TGM4: variants seen among roughly 807,000 people sequenced by gnomAD.
TGM4 encodes the protein protein-glutamine gamma-glutamyltransferase 4.
A neutral mutation model predicts 76.3 loss-of-function variants in TGM4; 61 were observed. The observed-to-expected ratio is 0.80, with a 90% CI of 0.65 to 0.99. TGM4 has a LOEUF of 0.99. Ranked by LOEUF, TGM4 falls within the 50% of genes least tolerant of loss-of-function variation. The pLI is 0.00. For missense variants in TGM4, 794 were observed against 843.2 expected (o/e 0.94, Z 0.72); for synonymous variants, 337 against 329.8 (o/e 1.02, Z -0.24).
intron 10 of TGM4, among the ~76,000 whole-genome samples, chr3:44,907,862 G>A (rs906741399): frequency 9.2e-5 from 14 of 152,140 alleles, no homozygotes; most frequent in South Asian, 4.1e-4. Context: ...CCTGTACCAC[G>A]TGGTAAGGAA....
intron 11 of TGM4, among the ~76,000 whole-genome samples, 198 bp downstream of exon 11, chr3:44,910,566 T>C (rs925518956): frequency 3.3e-5 from 5 of 152,186 alleles, no homozygotes; most frequent in Admixed American, 2.0e-4. Context: ...AAGAGACCAC[T>C]GGACTAGGAG....
chr3:44,896,137 G>A (rs138547168), intron 5 of TGM4, among the ~76,000 whole-genome samples: 1,703 of 152,054 alleles, frequency 0.011, 22 homozygotes, highest in Non-Finnish European at 0.018. Flanking sequence ...TTGAGACAGA[G>A]TTTTGCTCTT....
intron 1 of TGM4, among the ~76,000 whole-genome samples, chr3:44,884,581 C>T (rs1303052262): frequency 4.6e-5 from 7 of 152,102 alleles, no homozygotes; most frequent in Non-Finnish European, 8.8e-5. Flanking sequence ...GATGCGCCGC[C>T]CCCACAGCCT....
chr3:44,907,324 A>G, intron 10 of TGM4, 124 bp downstream of exon 10: 1 of 1,285,222 alleles, frequency 7.8e-7, no homozygotes, highest in Non-Finnish European at 1.0e-6. Flanking sequence ...AAAAAAAAAA[A>G]AAAAAAAAAT....
intron 6 of TGM4, among the ~76,000 whole-genome samples, chr3:44,897,414 TA>T (rs1699794830): frequency 6.6e-6 from 1 of 152,236 alleles, no homozygotes; most frequent in Non-Finnish European, 1.5e-5. Context: ...AAAATGATAT[TA>T]ATACAGAAGG....
intron 8 of TGM4, among the ~76,000 whole-genome samples, chr3:44,902,386 C>T (rs1365153439): frequency 1.3e-5 from 2 of 152,098 alleles, no homozygotes; most frequent in African/African-American, 2.4e-5. Flanking sequence ...GGGTGGATCA[C>T]GAGGTCAGGA....
chr3:44,901,127 T>A (rs1183096175), intron 6 of TGM4, among the ~76,000 whole-genome samples: 1 of 152,108 alleles, frequency 6.6e-6, no homozygotes, highest in African/African-American at 2.4e-5. Context: ...GTAGTCCCAA[T>A]TACCTGGGTG....
At chr3:44,878,020 G>A (rs796875591) in intron 1 of TGM4, among the ~76,000 whole-genome samples, 60 of 152,124 alleles carry the variant, frequency 3.9e-4, no homozygotes, top group African/African-American at 1.4e-3. Context: ...GTGTGGTGAT[G>A]CATGCCTGTA....
chr3:44,897,047 T>C (rs186470219), intron 6 of TGM4, among the ~76,000 whole-genome samples: 3,079 of 143,652 alleles, frequency 0.021, 62 homozygotes, highest in Middle Eastern at 0.069. Flanking sequence ...TCTGTCACCC[T>C]GGCTGGAGTG....
chr3:44,901,584 G>A lies in TGM4; in HGVS notation c.718G>A (p.Gly240Ser), dbSNP rs1365397813. The change falls in exon 7 of 14, where the codon GGC becomes AGC. Residue 240 changes from glycine to serine, a missense_variant. Transcript: ENST00000296125. The part of the protein sequence containing the change: ...IGNWTGDYEG[G>S]TAPYKWTGSA... ...GAATTGGACTGGGGACTACGAAGGTGGCACAGCCCCATACAAGTGGACAGG... is the reference window on the plus strand; with the variant it reads ...GAATTGGACTGGGGACTACGAAGGTAGCACAGCCCCATACAAGTGGACAGG... 1 of 1,614,030 alleles carries A rather than the reference G, an allele frequency of 6.2e-7. No individual in the cohort carries two copies. The highest frequency in any genetic ancestry group is 8.5e-7 in the Non-Finnish European group (1 of 1,179,956).
intron 1 of TGM4, among the ~76,000 whole-genome samples, chr3:44,875,032 T>A (rs1292919820): frequency 2.0e-5 from 3 of 152,336 alleles, no homozygotes; most frequent in Non-Finnish European, 4.4e-5. Context: ...AAATATATAT[T>A]TTTTGAACTC....
Position 44,910,091 on chromosome 3 carries a change from C to T in TGM4, c.1329C>T (p.Gly443=), listed in dbSNP as rs767588779. ...DITYEYKYPE[G]SSEERQVMDH... Reference sequence around the variant, plus strand: ...AAGCTGCCTTTGTGTCTCTTTCAGGCTCCTCTGAGGAGAGGCAGGTCATGG... The same window carrying T: ...AAGCTGCCTTTGTGTCTCTTTCAGGTTCCTCTGAGGAGAGGCAGGTCATGG... Residue 443 remains glycine, a splice_region_variant and synonymous_variant, in exon 11 of 14, where the codon GGC becomes GGT. Transcript: ENST00000296125. The T allele has an allele frequency of 4.3e-6, 7 of 1,611,862 alleles. No homozygotes were observed. The Middle Eastern group carries it at 5.1e-4, about 117-fold the overall frequency.
At chr3:44,878,141 ACT>A (rs1402076450) in intron 1 of TGM4, among the ~76,000 whole-genome samples, 1 of 151,826 alleles carries the variant, frequency 6.6e-6, no homozygotes, top group East Asian at 1.9e-4. Flanking sequence ...ACAGAATGAG[ACT>A]CTGTCTCAAA....
At chr3:44,911,450 A>C (rs6777798) in intron 13 of TGM4, 44 bp downstream of exon 13, 835,515 of 1,605,510 alleles carry the variant, frequency 0.52, 225,506 homozygotes, top group East Asian at 0.9. Flanking sequence ...TTCTGGACAT[A>C]TATCTTGCAC....
intron 3 of TGM4, 134 bp from the exon 4 acceptor site, chr3:44,890,469 G>A: frequency 1.5e-6 from 2 of 1,320,706 alleles, no homozygotes; most frequent in Admixed American, 4.3e-5. Flanking sequence ...CCAGGGTCCT[G>A]ACCATTCCTT....
chr3:44,888,693 G>A (rs1432209443), intron 3 of TGM4: 1 of 152,026 alleles, frequency 6.6e-6, no homozygotes, highest in East Asian at 1.9e-4. Context: ...ACACATAAAG[G>A]ACACAAATCT....
chr3:44,890,844 G>A, intron 4 of TGM4, 112 bp downstream of exon 4: 1 of 1,360,160 alleles, frequency 7.4e-7, no homozygotes, highest in Non-Finnish European at 1.0e-6. Context: ...TTGCAAACTA[G>A]TTTAAGGGAT....
chr3:44,913,286 C>T (rs1008072011), intron 13 of TGM4, among the ~76,000 whole-genome samples: 5 of 152,208 alleles, frequency 3.3e-5, no homozygotes, highest in African/African-American at 1.2e-4. Flanking sequence ...GTTGCTAATA[C>T]TCATGAAACA....
intron 1 of TGM4, among the ~76,000 whole-genome samples, chr3:44,883,626 G>A (rs754709160): frequency 5.3e-5 from 8 of 152,260 alleles, no homozygotes; most frequent in Non-Finnish European, 1.2e-4. Flanking sequence ...AGGTAGGTCT[G>A]TCTGCCAGGT....
Sources: gnomAD v4.1 joint callset for allele counts (sites outside exome capture counted in the v4.1 genomes callset) on GRCh38, gnomAD v4.1.1 for gene constraint, MANE v1.5 for transcripts, NCBI Gene and HGNC (gene_info 2026-07-23, HGNC 2026-07-21) for gene names.